MAML2: variants seen among roughly 807,000 people sequenced by gnomAD.
The protein encoded by MAML2 is mastermind-like protein 2.
MAML2 carries 22 observed loss-of-function variants against 96.1 expected under a neutral mutation model. The ratio of observed to expected loss-of-function variants is 0.23; its 90% confidence interval spans 0.16 to 0.33. The LOEUF is 0.33. Among genes scored for constraint, MAML2 ranks in the 10% least tolerant of loss-of-function variants. The pLI is 1.00. For synonymous variants in MAML2, 561 were observed against 521.3 expected, an observed-to-expected ratio of 1.08 and a Z score of -1.04; for missense variants, 1,367 against 1,392.4, an observed-to-expected ratio of 0.98 and a Z score of 0.29.
At chr11:96,183,397 C>CT (rs954858849) in intron 1 of MAML2, among the ~76,000 whole-genome samples, 11 of 120,314 alleles carry the variant, frequency 9.1e-5, no homozygotes, top group East Asian at 2.2e-4. Flanking sequence ...CGTTCCTCCC[C>CT]CCCCCCCCTT....
chr11:96,267,643 G>C (rs1325148786), intron 1 of MAML2, among the ~76,000 whole-genome samples: 1 of 152,160 alleles, frequency 6.6e-6, no homozygotes, highest in Admixed American at 6.6e-5. Context: ...TTCTATGTAG[G>C]GGTAACCATT....
intron 1 of MAML2, among the ~76,000 whole-genome samples, chr11:96,242,683 T>G (rs943285304): frequency 6.6e-6 from 1 of 152,030 alleles, no homozygotes; most frequent in African/African-American, 2.4e-5. Context: ...GCACCAAGGA[T>G]TTTAACTTAC....
chr11:95,983,665 C>T (rs1418808024), intron 4 of MAML2, among the ~76,000 whole-genome samples: 1 of 151,854 alleles, frequency 6.6e-6, no homozygotes, highest in Non-Finnish European at 1.5e-5. Flanking sequence ...TCCTACTGTA[C>T]CCCATATATA....
chr11:96,159,714 G>A (rs1861074399), intron 1 of MAML2, among the ~76,000 whole-genome samples: 3 of 152,088 alleles, frequency 2.0e-5, no homozygotes, highest in African/African-American at 4.8e-5. Flanking sequence ...GTGAGCGACC[G>A]CGCCCGGCCT....
intron 4 of MAML2, among the ~76,000 whole-genome samples, 153 bp downstream of exon 4, chr11:95,985,378 T>TAA (rs780322510): frequency 6.6e-6 from 1 of 152,214 alleles, no homozygotes; most frequent in Non-Finnish European, 1.5e-5. Context: ...GACTAAAAAA[T>TAA]ATTTAACTGT....
At chr11:96,300,632 C>T (rs1395108598) in intron 1 of MAML2, among the ~76,000 whole-genome samples, 2 of 152,078 alleles carry the variant, frequency 1.3e-5, no homozygotes, top group East Asian at 3.9e-4. Context: ...AGTTTATTTA[C>T]AATGGAAAAG....
At chr11:96,316,479 T>A (rs1430045867) in intron 1 of MAML2, among the ~76,000 whole-genome samples, 1 of 151,896 alleles carries the variant, frequency 6.6e-6, no homozygotes, top group African/African-American at 2.4e-5. Flanking sequence ...CATGTTGAGA[T>A]CTAAAAATTA....
chr11:96,320,469 A>T (rs1863685188), intron 1 of MAML2, among the ~76,000 whole-genome samples: 1 of 152,210 alleles, frequency 6.6e-6, no homozygotes, highest in Non-Finnish European at 1.5e-5. Flanking sequence ...TGACTCTGGA[A>T]ATGGCTCTGG....
Position 95,978,071 on chromosome 11 carries a change from A to T in MAML2, c.*877T>A, listed in dbSNP as rs1374150319. 4.6e-6 allele frequency: 1 copy of T among 218,254 alleles called. No individual in the cohort carries two copies. The highest frequency in any genetic ancestry group is 1.9e-4 in the South Asian group (1 of 5,370). The allele number at this position is 218,254 out of a possible 1,614,324, so 13.5% of individuals were successfully genotyped here. The stretch of plus-strand genomic sequence containing the variant: ...CTTGGGAACAAACCAGCAGGCATCA[A>T]TCATAATAAGCAACATCCCAGGTTA... On this transcript the variant is annotated 3_prime_UTR_variant, in exon 5 of 5. Transcript: ENST00000524717.
chr11:96,074,793 G>C (rs1414321789), intron 2 of MAML2, among the ~76,000 whole-genome samples: 2 of 152,188 alleles, frequency 1.3e-5, no homozygotes, highest in African/African-American at 4.8e-5. Context: ...CTTTCTAAAT[G>C]GCTCTCTAAT....
At chr11:96,264,517 C>G (rs1862798815) in intron 1 of MAML2, among the ~76,000 whole-genome samples, 3 of 152,174 alleles carry the variant, frequency 2.0e-5, no homozygotes. Context: ...GCCACTCACT[C>G]AAAAATGTGT....
chr11:96,070,151 G>T (rs1018738332), intron 2 of MAML2, among the ~76,000 whole-genome samples: 3 of 151,984 alleles, frequency 2.0e-5, no homozygotes, highest in African/African-American at 7.2e-5. Context: ...ATTAGCCGGC[G>T]TGGTGGCGGG....
chr11:96,075,922 T>G (rs1462573625), intron 2 of MAML2, among the ~76,000 whole-genome samples: 1 of 152,240 alleles, frequency 6.6e-6, no homozygotes, highest in African/African-American at 2.4e-5. Context: ...CCAGTTGGCC[T>G]TGCTATGTGA....
intron 1 of MAML2, among the ~76,000 whole-genome samples, chr11:96,201,162 T>C (rs1245877148): frequency 6.6e-6 from 1 of 152,226 alleles, no homozygotes; most frequent in Non-Finnish European, 1.5e-5. Context: ...CTACTTACCA[T>C]AATTACTTGA....
intron 1 of MAML2, among the ~76,000 whole-genome samples, chr11:96,155,237 C>A (rs4531427): frequency 0.49 from 74,417 of 151,376 alleles, 18,606 homozygotes; most frequent in Non-Finnish European, 0.51. Flanking sequence ...GGCTCCCTTC[C>A]AAACTTCAAG....
intron 2 of MAML2, among the ~76,000 whole-genome samples, chr11:96,074,072 G>A (rs1347621600): frequency 6.6e-6 from 1 of 152,086 alleles, no homozygotes; most frequent in Non-Finnish European, 1.5e-5. Context: ...GTAATAGTAG[G>A]CAGTAGTTTT....
intron 1 of MAML2, among the ~76,000 whole-genome samples, chr11:96,339,319 C>T (rs1322427113): frequency 6.6e-6 from 1 of 152,206 alleles, no homozygotes; most frequent in African/African-American, 2.4e-5. Flanking sequence ...CCTCACTTCC[C>T]TCCCAGCATG....
intron 1 of MAML2, among the ~76,000 whole-genome samples, chr11:96,143,184 G>A (rs1860763126): frequency 6.6e-6 from 1 of 152,184 alleles, no homozygotes; most frequent in African/African-American, 2.4e-5. Flanking sequence ...GTCATTATCA[G>A]AGTGTTCACT....
At chr11:96,100,338 C>T (rs1359933099) in intron 1 of MAML2, among the ~76,000 whole-genome samples, 1 of 150,508 alleles carries the variant, frequency 6.6e-6, no homozygotes, top group Non-Finnish European at 1.5e-5. Context: ...GAGATGGAGT[C>T]TCACTCTCTC....
Sources: allele counts gnomAD v4.1 joint callset (sites outside exome capture counted in the v4.1 genomes callset), GRCh38; gene constraint gnomAD v4.1.1; transcripts MANE v1.5; gene names NCBI Gene and HGNC (gene_info 2026-07-23, HGNC 2026-07-21).